The following MGRN1 variants were observed in gnomAD, a reference collection of about 807,000 sequenced individuals.
MGRN1 encodes the protein E3 ubiquitin-protein ligase MGRN1.
MGRN1 carries 29 observed loss-of-function variants against 69.2 expected under a neutral mutation model. The ratio of observed to expected loss-of-function variants is 0.42; its 90% CI spans 0.31 to 0.57. The LOEUF (loss-of-function observed/expected upper bound fraction) is 0.57, where lower values mean the gene tolerates loss of function less well. Among genes scored for constraint, MGRN1 ranks in the 20% least tolerant of loss-of-function variants. The probability of loss-of-function intolerance (pLI) is 0.15; values close to 1 mark genes in which losing one functional copy is unlikely to be tolerated. For synonymous variants in MGRN1, 470 were observed against 344.2 expected, an observed-to-expected ratio of 1.37 and a Z score of -4.04; for missense variants, 998 against 796.2, an observed-to-expected ratio of 1.25 and a Z score of -3.05.
chr16:4,669,431 C>CAAAAAAA (rs58001283), intron 8 of MGRN1, among the ~76,000 whole-genome samples: 7 of 93,022 alleles, frequency 7.5e-5, no homozygotes, highest in Admixed American at 1.2e-4. Context: ...AAGACTGTGT[C>CAAAAAAA]AAAAAAAAAA....
At chr16:4,686,265 G>A in intron 16 of MGRN1, 2 of 1,544,296 alleles carry the variant, frequency 1.3e-6, no homozygotes, top group South Asian at 2.4e-5. Flanking sequence ...GCAGCCCTGG[G>A]GCCCGACTCC....
At chr16:4,633,286 G>C (rs1898101729) in intron 1 of MGRN1, among the ~76,000 whole-genome samples, 1 of 152,056 alleles carries the variant, frequency 6.6e-6, no homozygotes, top group Non-Finnish European at 1.5e-5. Context: ...CTACTCAGGA[G>C]GCTGAGGCAG....
intron 8 of MGRN1, among the ~76,000 whole-genome samples, chr16:4,670,476 C>G (rs2078914442): frequency 1.3e-5 from 2 of 152,222 alleles, no homozygotes; most frequent in African/African-American, 2.4e-5. Flanking sequence ...CTTTTGGGCT[C>G]AAGTGATCCA....
rs1272617176 is a variant in MGRN1, at chr16:4,668,330, A to C, written c.726+18A>C. 2 of 1,613,168 alleles carry C rather than the reference A, an allele frequency of 1.2e-6. No individual in the cohort carries two copies. On this transcript the variant is annotated intron_variant, in intron 8 of 16. Coordinates refer to ENST00000262370, the MANE Select transcript of MGRN1 (RefSeq NM_015246.4). ...AGCAAATTGTAAGTCATCAGAGGAA[A>C]TATGACGTGCTTGAATTAAAAGACA...
intron 1 of MGRN1, among the ~76,000 whole-genome samples, chr16:4,639,464 C>T (rs906946369): frequency 6.6e-6 from 1 of 152,154 alleles, no homozygotes; most frequent in Non-Finnish European, 1.5e-5. Flanking sequence ...GTGCAGCAAC[C>T]TTCACCATTG....
chr16:4,657,272 A>C lies in MGRN1; in HGVS notation c.470A>C (p.Gln157Pro), dbSNP rs771747032. The C allele has an allele frequency of 6.2e-7, 1 of 1,613,812 alleles. No individual in the cohort carries two copies. Among genetic ancestry groups the C allele is most frequent in the African/African-American group, 1.3e-5 (1 of 74,938 alleles). ...TACAGCCCCAAGAGCCCCTCGCTAC[A>C]GTCCGAGACCGTCCACTACAAGAGA... ...AVYSPKSPSLQSETVHYKRGV... is the reference protein window; with the variant it reads ...AVYSPKSPSLPSETVHYKRGV... Residue 157 changes from glutamine (Q) to proline (P), a missense_variant, in exon 5 of 17, where the codon CAG (glutamine) becomes CCG (proline). By Grantham distance (76) the Gln-to-Pro change is moderately conservative. Coordinates refer to ENST00000262370, the MANE Select transcript of MGRN1 (RefSeq NM_015246.4).
intron 12 of MGRN1, chr16:4,681,285 C>T: frequency 2.0e-6 from 1 of 494,462 alleles, no homozygotes; most frequent in South Asian, 2.9e-5. Flanking sequence ...CTGGTTGAGG[C>T]CAGGGCTGGG....
intron 9 of MGRN1, chr16:4,672,396 T>G (rs1210797650): frequency 1.3e-5 from 6 of 456,594 alleles, no homozygotes; most frequent in Non-Finnish European, 2.6e-5. Context: ...TCCTGCCTCT[T>G]AAGATCTCTT....
At chr16:4,666,880 C>G (rs2078817228) in intron 7 of MGRN1, among the ~76,000 whole-genome samples, 1 of 152,308 alleles carries the variant, frequency 6.6e-6, no homozygotes, top group East Asian at 1.9e-4. Context: ...TGGCACAGAG[C>G]AGACACTCAG....
chr16:4,634,764 C>T (rs1445221834), intron 1 of MGRN1: 2 of 152,272 alleles, frequency 1.3e-5, no homozygotes, highest in Non-Finnish European at 2.9e-5. Flanking sequence ...TGACTGAAAT[C>T]AAGACCTGAG....
At chr16:4,648,880 C>G (rs1368355952) in intron 1 of MGRN1, among the ~76,000 whole-genome samples, 14 of 144,934 alleles carry the variant, frequency 9.7e-5, no homozygotes, top group Non-Finnish European at 2.1e-4. Context: ...CTCTCGGGGA[C>G]TCTTCCCGTG....
intron 8 of MGRN1, 43 bp downstream of exon 8, chr16:4,668,355 A>C: frequency 7.5e-6 from 12 of 1,600,698 alleles, no homozygotes; most frequent in Non-Finnish European, 4.3e-6. Context: ...ATTAAAAGAC[A>C]CACATATACA....
chr16:4,652,090 G>A (rs780665961), intron 3 of MGRN1, 39 bp downstream of exon 3: 30 of 1,595,118 alleles, frequency 1.9e-5, no homozygotes, highest in South Asian at 1.4e-4. Flanking sequence ...GTGGCTCTGT[G>A]GGGCGCAGCC....
intron 16 of MGRN1, chr16:4,686,512 T>C (rs2079322628): frequency 7.3e-7 from 1 of 1,376,196 alleles, no homozygotes; most frequent in Admixed American, 3.3e-5. Flanking sequence ...GGTCCTGACT[T>C]TCGGGGCCAG....
rs1458081603 is a variant in MGRN1 at position 4,668,286 on chromosome 16, G to C, written c.700G>C (p.Val234Leu). The change falls in exon 8 of 17, where the codon GTG (valine) becomes CTG (leucine). Residue 234 changes from valine (V) to leucine (L), a missense_variant. Physicochemically the swap from Val to Leu is conservative, Grantham distance 32. Transcript: ENST00000262370. ...FEKHMDGSFS[V>L]KPLKQKQIVD... The stretch of plus-strand genomic sequence containing the variant: ...GCAGCACATGGACGGCAGCTTCTCT[G>C]TGAAGCCTTTAAAGCAGAAGCAAAT... The C allele has an allele frequency of 6.2e-7, 1 of 1,613,968 alleles. No homozygotes were observed. Among genetic ancestry groups the C allele is most frequent in the South Asian group, 1.1e-5 (1 of 91,082 alleles).
chr16:4,688,970 C>T lies in MGRN1; in HGVS notation c.*62C>T. On this transcript the variant is annotated 3_prime_UTR_variant, in exon 17 of 17. Coordinates refer to ENST00000262370, the MANE Select transcript of MGRN1 (RefSeq NM_015246.4). ...CCCCAGACTTTGCCGAGGGGCTGCT[C>T]CGGACCCCGTTGTGAGCCGGCCTCC... is the stretch of plus-strand genomic sequence containing the variant. 2 of 1,481,306 alleles carry T rather than the reference C, an allele frequency of 1.4e-6. No homozygotes were observed. The highest frequency in any genetic ancestry group is 4.5e-5 in the Admixed American group (2 of 44,608). The allele number at this position is 1,481,306 out of a possible 1,614,324, so 91.8% of individuals were successfully genotyped here.
At chr16:4,635,691 G>T (rs1241404733) in intron 1 of MGRN1, among the ~76,000 whole-genome samples, 4 of 151,454 alleles carry the variant, frequency 2.6e-5, no homozygotes. Flanking sequence ...CTGGTGTGCA[G>T]TGGCGCAATA....
At chr16:4,667,881 C>CT (rs1404730491) in intron 7 of MGRN1, among the ~76,000 whole-genome samples, 1 of 152,098 alleles carries the variant, frequency 6.6e-6, no homozygotes, top group African/African-American at 2.4e-5. Flanking sequence ...GCTGTTTTGT[C>CT]TGTCTTGATT....
chr16:4,680,457 C>A, intron 12 of MGRN1: 1 of 257,528 alleles, frequency 3.9e-6, no homozygotes. Context: ...TTCTTGGCCC[C>A]GTGTCCCGCT....
Sources: allele counts gnomAD v4.1 joint callset (sites outside exome capture counted in the v4.1 genomes callset), GRCh38; gene constraint gnomAD v4.1.1; transcripts MANE v1.5; gene names NCBI Gene and HGNC (gene_info 2026-07-23, HGNC 2026-07-21).